Variants in SORL1 observed in about 807,000 individuals in gnomAD.
SORL1 encodes sortilin related receptor 1, also known as sortilin-related receptor.
Under a neutral mutation model 273.7 loss-of-function variants are expected in SORL1, and 127 were observed. The ratio of observed to expected loss-of-function variants is 0.46; its 90% CI spans 0.40 to 0.54. The LOEUF is 0.54. Ranked by LOEUF, SORL1 falls within the 20% of genes least tolerant of loss-of-function variation. The pLI is 0.00. For missense variants in SORL1, 2,494 were observed against 2,846.1 expected, an observed-to-expected ratio of 0.88 and a Z score of 2.81; for synonymous variants, 1,031 against 1,067.4, an observed-to-expected ratio of 0.97 and a Z score of 0.66.
At chr11:121,473,811 C>A (rs1861213770) in intron 2 of SORL1, among the ~76,000 whole-genome samples, 1 of 152,152 alleles carries the variant, frequency 6.6e-6, no homozygotes, top group African/African-American at 2.4e-5. Context: ...AGGAGAATCA[C>A]TTGAATCCGG....
chr11:121,545,446 T>A lies in SORL1; in HGVS notation c.2051+17T>A. The A allele has an allele frequency of 6.2e-7, 1 of 1,612,732 alleles. No homozygotes were observed. Among genetic ancestry groups the A allele is most frequent in the Non-Finnish European group, 8.5e-7 (1 of 1,179,110 alleles). On this transcript the variant is annotated intron_variant, in intron 14 of 47. Coordinates refer to ENST00000260197, the MANE Select transcript of SORL1 (RefSeq NM_003105.6). Reference sequence around the variant, plus strand: ...CTATGAGTGGTCAGTTCTTCTTTGATGGCTGGGGACTGAGTTGTGTTTTAT... The same window carrying A: ...CTATGAGTGGTCAGTTCTTCTTTGAAGGCTGGGGACTGAGTTGTGTTTTAT...
chr11:121,514,711 T>G (rs1314002155), intron 8 of SORL1, among the ~76,000 whole-genome samples: 1 of 152,196 alleles, frequency 6.6e-6, no homozygotes, highest in Non-Finnish European at 1.5e-5. Flanking sequence ...ATGCGGCCAG[T>G]GGATCAGGTT....
intron 30 of SORL1, chr11:121,590,604 G>A (rs1341303042): frequency 3.4e-6 from 2 of 589,308 alleles, no homozygotes; most frequent in African/African-American, 1.9e-5. Context: ...TTTCCTTTCT[G>A]GCATTCTCAT....
chr11:121,557,139 G>T, intron 18 of SORL1, 175 bp from the exon 19 acceptor site: 1 of 623,628 alleles, frequency 1.6e-6, no homozygotes, highest in Non-Finnish European at 2.9e-6. Context: ...TCAGAGGAAG[G>T]AACAGCGCAT....
intron 32 of SORL1, among the ~76,000 whole-genome samples, chr11:121,602,421 A>G (rs1169817040): frequency 6.6e-6 from 1 of 152,252 alleles, no homozygotes. Context: ...AAAACTCATC[A>G]GTGGAGAACA....
intron 24 of SORL1, among the ~76,000 whole-genome samples, chr11:121,576,391 C>T (rs1862931719): frequency 6.6e-6 from 1 of 152,154 alleles, no homozygotes; most frequent in Admixed American, 6.5e-5. Context: ...CAGCTCCCTC[C>T]CACCTCTTTC....
At chr11:121,572,995 TG>T (rs573493476) in intron 23 of SORL1, among the ~76,000 whole-genome samples, 249 of 152,320 alleles carry the variant, frequency 1.6e-3, no homozygotes, top group Non-Finnish European at 2.7e-3. Flanking sequence ...TTTTACCTCC[TG>T]GGTCAGCCTT....
chr11:121,498,706 T>A (rs1460547748), intron 6 of SORL1, among the ~76,000 whole-genome samples: 15 of 152,056 alleles, frequency 9.9e-5, no homozygotes, highest in Admixed American at 9.8e-4. Context: ...TGAAACCCCG[T>A]CTCTACTAAA....
intron 44 of SORL1, among the ~76,000 whole-genome samples, chr11:121,621,544 A>C (rs892691510): frequency 5.9e-5 from 9 of 152,198 alleles, no homozygotes; most frequent in African/African-American, 2.2e-4. Flanking sequence ...GAGGAAATAA[A>C]ACTGAATAGT....
Position 121,488,117 on chromosome 11 carries a change from G to C in SORL1, c.614G>C (p.Arg205Pro). The stretch of plus-strand genomic sequence containing the variant: ...CTTCAAGGCTTTTCCATCCCATTTC[G>C]GGCAGCTGATCTCCTCCTACACAGT... ...NTLQGFSIPF[R>P]AADLLLHSKA... Residue 205 changes from arginine to proline, a missense_variant, in exon 4 of 48, where the codon CGG becomes CCG. Arg to Pro is a moderately radical substitution (Grantham distance 103). Transcript: ENST00000260197. 1 of 1,613,982 alleles carries C rather than the reference G, an allele frequency of 6.2e-7. No individual in the cohort carries two copies. The highest frequency in any genetic ancestry group is 8.5e-7 in the Non-Finnish European group (1 of 1,180,002).
intron 1 of SORL1, among the ~76,000 whole-genome samples, chr11:121,465,097 T>C (rs574449782): frequency 1.3e-5 from 2 of 152,340 alleles, no homozygotes; most frequent in East Asian, 1.9e-4. Context: ...AATGTTGTGC[T>C]ACCATGATTT....
chr11:121,616,742 A>G (rs1016312763), intron 41 of SORL1, among the ~76,000 whole-genome samples: 3 of 152,234 alleles, frequency 2.0e-5, no homozygotes, highest in Non-Finnish European at 4.4e-5. Context: ...ATCTGTCAAC[A>G]AAAAGAGTCA....
In SORL1 at chr11:121,586,270, C is replaced by G; in HGVS notation, c.3755C>G (p.Ser1252Cys). ...FRCPNGTCIP[S>C]SKHCDGLRDC... ...TGCCCAAACGGCACTTGCATCCCATCCAGCAAACATTGTGATGGTCTGCGT... is the reference window on the plus strand; with the variant it reads ...TGCCCAAACGGCACTTGCATCCCATGCAGCAAACATTGTGATGGTCTGCGT... The change falls in exon 27 of 48, where the codon TCC becomes TGC. Residue 1252 changes from serine (S) to cysteine (C), a missense_variant. Around this residue, in one of 3 missense-constraint regions of SORL1, gnomAD observed 1,609 missense variants for 1,816.4 expected, o/e 0.89. Transcript: ENST00000260197. The G allele has an allele frequency of 6.2e-7, 1 of 1,614,138 alleles. No individual in the cohort carries two copies. Among genetic ancestry groups the G allele is most frequent in the Non-Finnish European group, 8.5e-7 (1 of 1,179,982 alleles).
intron 1 of SORL1, among the ~76,000 whole-genome samples, chr11:121,453,659 C>T (rs1860851587): frequency 2.0e-5 from 3 of 152,334 alleles, no homozygotes; most frequent in African/African-American, 7.2e-5. Flanking sequence ...TTCACTTTAG[C>T]CATTTCTTCA....
chr11:121,467,064 C>G (rs1861094575), intron 1 of SORL1, among the ~76,000 whole-genome samples: 2 of 133,932 alleles, frequency 1.5e-5, no homozygotes, highest in Admixed American at 8.5e-5. Flanking sequence ...GAGTCTCGCT[C>G]TGTTGCCCAG....
In SORL1 at chr11:121,595,537, G is replaced by A. The variant is rs184451580; in HGVS notation, c.4370-86G>A. ...TTCCCATTGTAATTTCTAAAGCACC[G>A]TAATCTCCTAGCATATTGATTGGTT... On this transcript the variant is annotated intron_variant, in intron 31 of 47. Transcript: ENST00000260197. The surrounding 1 kb of genome is among the most constrained non-coding windows in gnomAD (Gnocchi z 5.1). The A allele has an allele frequency of 2.7e-5, 33 of 1,221,008 alleles. No homozygotes were observed. Among genetic ancestry groups the A allele is most frequent in the Admixed American group, 8.3e-5 (4 of 48,018 alleles). The allele number at this position is 1,221,008 out of a possible 1,614,324, so 75.6% of individuals were successfully genotyped here. A position where few individuals can be genotyped will look rare whatever the true frequency, so the allele number is the denominator to read the frequency against.
At chr11:121,470,818 C>T (rs1181671417) in intron 2 of SORL1, among the ~76,000 whole-genome samples, 1 of 152,148 alleles carries the variant, frequency 6.6e-6, no homozygotes, top group Non-Finnish European at 1.5e-5. Context: ...GCAGGAACTA[C>T]AGGTGCACAC....
chr11:121,560,058 C>T (rs1862648112), intron 21 of SORL1, among the ~76,000 whole-genome samples: 1 of 152,256 alleles, frequency 6.6e-6, no homozygotes, highest in Admixed American at 6.5e-5. Context: ...CTTGCTTGTT[C>T]TCTGGTTGCC....
chr11:121,616,672 C>G (rs879422777), intron 41 of SORL1, among the ~76,000 whole-genome samples: 11 of 152,262 alleles, frequency 7.2e-5, no homozygotes, highest in African/African-American at 1.7e-4. Flanking sequence ...GCGATCACCC[C>G]CTTCGGGGCT....
Sources: gnomAD v4.1 joint callset for allele counts (sites outside exome capture counted in the v4.1 genomes callset) on GRCh38, gnomAD v4.1.1 for gene constraint, gnomAD v4.1.1 regional missense constraint, Gnocchi (gnomAD v3.1) non-coding constraint, MANE v1.5 for transcripts, NCBI Gene and HGNC (gene_info 2026-07-23, HGNC 2026-07-21) for gene names.